Variants in USP54 observed in about 807,000 individuals in gnomAD.
The protein encoded by USP54 is ubiquitin carboxyl-terminal hydrolase 54.
In USP54, 87 loss-of-function variants were observed where a neutral mutation model predicts 170.5. The observed-to-expected ratio is 0.51, with a 90% CI of 0.43 to 0.61. The LOEUF (loss-of-function observed/expected upper bound fraction) is 0.61. Ranked by LOEUF, USP54 falls within the 20% of genes least tolerant of loss-of-function variation. The probability of loss-of-function intolerance (pLI) is 0.00; values close to 1 mark genes in which losing one functional copy is unlikely to be tolerated. For missense variants in USP54, 1,786 were observed against 2,047.8 expected (o/e 0.87, Z 2.47); for synonymous variants, 655 against 742.8 (o/e 0.88, Z 1.92).
intron 15 of USP54, among the ~76,000 whole-genome samples, chr10:73,527,837 CAAAA>C (rs1015620084): frequency 6.9e-5 from 3 of 43,714 alleles, no homozygotes; most frequent in Non-Finnish European, 9.3e-5. Flanking sequence ...CCATCGATAC[CAAAA>C]AAAAAAAAAA....
intron 10 of USP54, 63 bp downstream of exon 10, chr10:73,539,381 C>A (rs1173626481): frequency 7.2e-7 from 1 of 1,393,660 alleles, no homozygotes. Context: ...ACACTAAAGA[C>A]AAATGATTAT....
In USP54 at chr10:73,562,608, G is replaced by C. The variant is rs1311821285; in HGVS notation, c.240+8813C>G. ...ATGTTTTATGAGATTAGCCCAAGTT[G>C]CTGCATGCAGCTGCAGAATTCATTT... On this transcript the variant is annotated intron_variant, in intron 4 of 23. Transcript: ENST00000687698. Among the ~76,000 whole-genome samples, 4 of 152,186 alleles carry C rather than the reference G, an allele frequency of 2.6e-5. No homozygotes were observed. In the East Asian group the frequency reaches 7.7e-4, roughly 29 times the overall value.
intron 1 of USP54, among the ~76,000 whole-genome samples, chr10:73,620,321 A>G (rs111381138): frequency 6.7e-6 from 1 of 148,204 alleles, no homozygotes; most frequent in African/African-American, 2.6e-5. Context: ...TCAAAAAAAA[A>G]AAAGAAAGAA....
intron 1 of USP54, among the ~76,000 whole-genome samples, chr10:73,624,158 CCATATATATATATATATATATATATA>C (rs2081292296): frequency 3.0e-5 from 1 of 33,008 alleles, no homozygotes; most frequent in Admixed American, 3.4e-4. Flanking sequence ...TTTTTAAAAG[CCATATATATATATATATATATATATA>C]TATATATATA....
intron 15 of USP54, 70 bp from the exon 16 acceptor site, chr10:73,526,850 C>G: frequency 2.6e-6 from 4 of 1,512,630 alleles, no homozygotes; most frequent in Non-Finnish European, 3.5e-6. Flanking sequence ...AGGACTAAAT[C>G]TCTCTCTCAA....
At chr10:73,565,094 T>C (rs774488557) in intron 4 of USP54, among the ~76,000 whole-genome samples, 3 of 151,884 alleles carry the variant, frequency 2.0e-5, no homozygotes, top group Admixed American at 6.6e-5. Flanking sequence ...TAATACTCAA[T>C]ATGATTGTAG....
At position 73,575,929 on chromosome 10, in the gene USP54, C is replaced by A; in HGVS notation, c.-149G>T. 3.8e-6 allele frequency: 1 copy of A among 262,562 alleles called. No homozygotes were observed. The highest frequency in any genetic ancestry group is 2.2e-5 in the African/African-American group (1 of 45,256). 16.3% of individuals were successfully genotyped at this position (262,562 alleles called of 1,614,324 possible). ...ACAGGACTAATGCAAACAGAGAAATCCTTAAGTATTGCTTCCTTCTATTTT... is the reference window on the plus strand; with the variant it reads ...ACAGGACTAATGCAAACAGAGAAATACTTAAGTATTGCTTCCTTCTATTTT... On this transcript the variant is annotated 5_prime_UTR_variant, in exon 2 of 24. Coordinates refer to ENST00000687698, the MANE Select transcript of USP54 (RefSeq NM_001391956.1).
chr10:73,541,869 G>A, intron 7 of USP54, 131 bp from the exon 8 acceptor site: 1 of 820,654 alleles, frequency 1.2e-6, no homozygotes, highest in Non-Finnish European at 1.9e-6. Flanking sequence ...CCCTGACCAG[G>A]CTCAGTGTCC....
chr10:73,567,614 G>A (rs1271509507), intron 4 of USP54, among the ~76,000 whole-genome samples: 1 of 152,190 alleles, frequency 6.6e-6, no homozygotes, highest in Admixed American at 6.5e-5. Flanking sequence ...AGAGGTTGCA[G>A]TGAGCTGAGG....
Position 73,517,079 on chromosome 10 carries a change from T to C in USP54, c.3347A>G (p.Glu1116Gly). 6.2e-7 allele frequency: 1 copy of C among 1,614,234 alleles called. No homozygotes were observed. The change falls in exon 20 of 24, where the codon GAG (glutamate) becomes GGG (glycine). Residue 1116 changes from glutamate (E) to glycine (G), a missense_variant. Glu to Gly is a moderately conservative substitution (Grantham distance 98, BLOSUM62 -2). Around this residue, in one of 3 missense-constraint regions of USP54, gnomAD observed 1,418 missense variants for 1,569.0 expected, o/e 0.90. Transcript: ENST00000687698. ...GCTGGGAAACTCTGGCCTATAGGTCTCCTCACTGCCTCTGTCCACTTTTAA... is the reference window on the plus strand; with the variant it reads ...GCTGGGAAACTCTGGCCTATAGGTCCCCTCACTGCCTCTGTCCACTTTTAA... ...LTLKVDRGSE[E>G]TYRPEFPSTK...
At chr10:73,561,462 T>C (rs1478037398) in intron 4 of USP54, among the ~76,000 whole-genome samples, 1 of 151,948 alleles carries the variant, frequency 6.6e-6, no homozygotes, top group East Asian at 1.9e-4. Flanking sequence ...CTGTCTCCAT[T>C]TTTTTTAATT....
At chr10:73,552,753 T>A (rs967768884) in intron 4 of USP54, among the ~76,000 whole-genome samples, 1 of 152,168 alleles carries the variant, frequency 6.6e-6, no homozygotes, top group African/African-American at 2.4e-5. Flanking sequence ...ATCACACCAC[T>A]GTACTCCAGC....
At chr10:73,532,297 T>A (rs761252646) in intron 12 of USP54, among the ~76,000 whole-genome samples, 10 of 152,110 alleles carry the variant, frequency 6.6e-5, no homozygotes, top group Non-Finnish European at 1.2e-4. Flanking sequence ...CTCAGCCTCC[T>A]GAGTAGCTGG....
chr10:73,536,605 CT>C (rs1272180844), intron 10 of USP54, among the ~76,000 whole-genome samples, 168 bp from the exon 11 acceptor site: 1 of 152,094 alleles, frequency 6.6e-6, no homozygotes, highest in Admixed American at 6.6e-5. Flanking sequence ...TTAATTAAAT[CT>C]TTTTTTTCTT....
At chr10:73,601,214 A>G (rs2079139933) in intron 1 of USP54, among the ~76,000 whole-genome samples, 1 of 152,204 alleles carries the variant, frequency 6.6e-6, no homozygotes, top group Admixed American at 6.5e-5. Flanking sequence ...CATCAATAAA[A>G]GCTCCAAAAC....
At chr10:73,602,036 T>C (rs898407367) in intron 1 of USP54, among the ~76,000 whole-genome samples, 8 of 152,222 alleles carry the variant, frequency 5.3e-5, no homozygotes, top group African/African-American at 1.7e-4. Flanking sequence ...ACCAACAATG[T>C]AGCACCTCAA....
upstream of USP54, among the ~76,000 whole-genome samples, chr10:73,593,718 AAATC>A (rs2078485126): frequency 1.3e-5 from 2 of 152,210 alleles, no homozygotes; most frequent in African/African-American, 4.8e-5. Context: ...GGATTTGAGT[AAATC>A]AATCAAGAAA....
At chr10:73,594,596 G>T (rs1337271001), upstream of USP54, among the ~76,000 whole-genome samples, 1 of 150,572 alleles carries the variant, frequency 6.6e-6, no homozygotes, top group African/African-American at 2.4e-5. Context: ...TTGGAGACAG[G>T]GTCTTAGTAT....
chr10:73,531,132 T>C lies in USP54; in HGVS notation c.1316-297A>G, dbSNP rs550315393. Among the ~76,000 whole-genome samples, 276 of 152,162 alleles carry C rather than the reference T, an allele frequency of 1.8e-3. 1 individual carries two copies. Among genetic ancestry groups the C allele is most frequent in the African/African-American group, 5.8e-3 (242 of 41,496 alleles). On this transcript the variant is annotated intron_variant, in intron 12 of 23. Coordinates refer to ENST00000687698, the MANE Select transcript of USP54 (RefSeq NM_001391956.1). Reference sequence around the variant, plus strand: ...GACCAACATGGCAAAACCCTGTCTCTACTAAAAATACAAAAATTAGTCCGG... The same window carrying C: ...GACCAACATGGCAAAACCCTGTCTCCACTAAAAATACAAAAATTAGTCCGG...
Sources: allele counts gnomAD v4.1 joint callset (sites outside exome capture counted in the v4.1 genomes callset), GRCh38; gene constraint gnomAD v4.1.1; regional missense constraint gnomAD v4.1.1; transcripts MANE v1.5; gene names NCBI Gene and HGNC (gene_info 2026-07-23, HGNC 2026-07-21).